The following FRMPD4 variants were observed in gnomAD, a reference collection of about 807,000 sequenced individuals.
FRMPD4 encodes FERM and PDZ domain containing 4, also known as FERM and PDZ domain-containing protein 4.
Under a neutral mutation model 94.1 loss-of-function variants are expected in FRMPD4, and 22 were observed. The observed-to-expected ratio is 0.23, with a 90% CI of 0.17 to 0.33. The LOEUF (loss-of-function observed/expected upper bound fraction) is 0.33. FRMPD4 is among the 10% of genes least tolerant of loss of function. The probability of loss-of-function intolerance (pLI) is 1.00; values close to 1 mark genes in which losing one functional copy is unlikely to be tolerated. For synonymous variants in FRMPD4, 631 were observed against 548.6 expected, an observed-to-expected ratio of 1.15 and a Z score of -2.10; for missense variants, 1,111 against 1,339.9, an observed-to-expected ratio of 0.83 and a Z score of 2.67.
chrX:11,892,905 A>G (rs1302396899), intron 3 of FRMPD4, among the ~76,000 whole-genome samples: 3 of 112,352 alleles, frequency 2.7e-5, no homozygotes, highest in African/African-American at 9.7e-5. Flanking sequence ...CGATATACGT[A>G]TACCCGGACG....
At chrX:12,148,655 G>A (rs2055805016) in intron 1 of FRMPD4, among the ~76,000 whole-genome samples, 1 of 112,737 alleles carries the variant, frequency 8.9e-6, no homozygotes, top group Non-Finnish European at 1.9e-5. Context: ...CCTTCAATTG[G>A]AAGAAGATGC....
chrX:12,397,870 A>G, intron 1 of FRMPD4, among the ~76,000 whole-genome samples: 1 of 111,462 alleles, frequency 9.0e-6, no homozygotes, highest in Middle Eastern at 4.6e-3. Flanking sequence ...AGGGCAAGGG[A>G]TTTTGTTTAT....
intron 3 of FRMPD4, among the ~76,000 whole-genome samples, chrX:12,011,497 A>G (rs1268279797): frequency 8.9e-6 from 1 of 112,270 alleles, no homozygotes; most frequent in South Asian, 3.7e-4. Flanking sequence ...TGAACAATGC[A>G]GATAATAGAA....
chrX:12,373,596 G>A (rs1301134738), intron 1 of FRMPD4, among the ~76,000 whole-genome samples: 2 of 112,027 alleles, frequency 1.8e-5, no homozygotes, highest in Non-Finnish European at 3.8e-5. Context: ...CTGCTAGAAG[G>A]AACCAGCATC....
intron 9 of FRMPD4, among the ~76,000 whole-genome samples, chrX:12,696,809 G>GA (rs986937548): frequency 9.0e-6 from 1 of 111,580 alleles, no homozygotes; most frequent in East Asian, 2.8e-4. Context: ...AAGCTGGGTA[G>GA]AAAAAAAAGT....
intron 4 of FRMPD4, among the ~76,000 whole-genome samples, chrX:12,643,316 G>T (rs2059516944): frequency 9.0e-6 from 1 of 110,677 alleles, no homozygotes; most frequent in Admixed American, 9.6e-5. Flanking sequence ...TAGAAACTGG[G>T]TTCACTACGT....
chrX:12,374,133 TA>T (rs1171068277), intron 1 of FRMPD4, among the ~76,000 whole-genome samples: 2 of 112,062 alleles, frequency 1.8e-5, no homozygotes, highest in Non-Finnish European at 3.8e-5. Flanking sequence ...AATTTAACAA[TA>T]AAGTTGCTGT....
chrX:11,926,029 AAC>A (rs1485886526), intron 3 of FRMPD4, among the ~76,000 whole-genome samples: 1 of 110,702 alleles, frequency 9.0e-6, no homozygotes, highest in Non-Finnish European at 1.9e-5. Flanking sequence ...GATTCAAATA[AAC>A]ACAAAAAGAA....
At chrX:12,205,838 T>A (rs1476900938) in intron 1 of FRMPD4, among the ~76,000 whole-genome samples, 1 of 112,105 alleles carries the variant, frequency 8.9e-6, no homozygotes, top group African/African-American at 3.2e-5. Flanking sequence ...TGAACCTCTT[T>A]GGTGTGCGCC....
intron 4 of FRMPD4, among the ~76,000 whole-genome samples, chrX:12,628,403 A>C (rs190799336): frequency 2.7e-5 from 3 of 111,346 alleles, no homozygotes; most frequent in African/African-American, 9.8e-5. Flanking sequence ...TTGACTACTC[A>C]CCTAGAAAGG....
At chrX:12,589,755 A>C (rs1169556836) in intron 2 of FRMPD4, among the ~76,000 whole-genome samples, 2 of 112,037 alleles carry the variant, frequency 1.8e-5, no homozygotes. Context: ...TAACATTCCA[A>C]GGCAGCCTTT....
At chrX:12,564,955 G>T (rs761533902) in intron 2 of FRMPD4, among the ~76,000 whole-genome samples, 1 of 110,326 alleles carries the variant, frequency 9.1e-6, no homozygotes, top group African/African-American at 3.3e-5. Context: ...GCGTGGTGGC[G>T]GGTGCCTGTA....
intron 1 of FRMPD4, among the ~76,000 whole-genome samples, chrX:12,336,155 C>A (rs1177142829): frequency 9.0e-6 from 1 of 111,141 alleles, no homozygotes; most frequent in Non-Finnish European, 1.9e-5. Context: ...AAGTGGTTTT[C>A]TCTAAGTTCA....
At chrX:12,117,731 G>C (rs1028716891) in intron 3 of FRMPD4, among the ~76,000 whole-genome samples, 4 of 112,155 alleles carry the variant, frequency 3.6e-5, no homozygotes, top group Non-Finnish European at 7.5e-5. Flanking sequence ...TCACTCTTCT[G>C]TGTCTGCTCT....
intron 3 of FRMPD4, among the ~76,000 whole-genome samples, chrX:12,022,860 C>G (rs1249035386): frequency 9.0e-6 from 1 of 111,067 alleles, no homozygotes; most frequent in Non-Finnish European, 1.9e-5. Flanking sequence ...TCTCACGTCC[C>G]CCAATCCTCC....
intron 3 of FRMPD4, among the ~76,000 whole-genome samples, chrX:12,103,350 G>C (rs944507225): frequency 1.8e-5 from 2 of 112,026 alleles, no homozygotes; most frequent in Admixed American, 1.9e-4. Context: ...ACTTGTTCCA[G>C]CCATCACAGT....
intron 2 of FRMPD4, among the ~76,000 whole-genome samples, chrX:12,508,892 C>T (rs765339838): frequency 4.9e-5 from 5 of 102,059 alleles, no homozygotes; most frequent in Admixed American, 4.5e-4. Context: ...CTCAGGAGGC[C>T]GAGGCAAGAG....
At chrX:12,663,454 C>A (rs2059739966) in intron 4 of FRMPD4, among the ~76,000 whole-genome samples, 1 of 112,141 alleles carries the variant, frequency 8.9e-6, no homozygotes, top group South Asian at 3.7e-4. Flanking sequence ...ATAGGGAATC[C>A]TTTCCCCATT....
chrX:12,329,231 C>G (rs188039990), intron 1 of FRMPD4, among the ~76,000 whole-genome samples: 1 of 111,848 alleles, frequency 8.9e-6, no homozygotes, highest in East Asian at 2.8e-4. Flanking sequence ...GCAGAACCCT[C>G]TCTGGAATGG....
Sources: gnomAD v4.1 joint callset for allele counts (sites outside exome capture counted in the v4.1 genomes callset) on GRCh38, gnomAD v4.1.1 for gene constraint, MANE v1.5 for transcripts, NCBI Gene and HGNC (gene_info 2026-07-23, HGNC 2026-07-21) for gene names.